C19orf44: variants seen among roughly 807,000 people sequenced by gnomAD.
C19orf44 encodes the protein uncharacterized protein C19orf44.
Under a neutral mutation model 50.7 loss-of-function variants are expected in C19orf44, and 43 were observed. The observed-to-expected ratio is 0.85, with a 90% CI of 0.66 to 1.09. C19orf44 has a LOEUF of 1.09. Ranked by LOEUF, C19orf44 falls within the 50% of genes least tolerant of loss-of-function variation. The pLI, the probability that C19orf44 is intolerant of heterozygous loss-of-function variation, is 0.00. For synonymous variants in C19orf44, 298 were observed against 334.7 expected, an observed-to-expected ratio of 0.89 and a Z score of 1.20; for missense variants, 722 against 836.2, an observed-to-expected ratio of 0.86 and a Z score of 1.68.
Position 16,519,144 on chromosome 19 carries a change from T to A in C19orf44, c.*41-950T>A. 1 of 1,608,218 alleles carries A rather than the reference T, an allele frequency of 6.2e-7. No homozygotes were observed. The highest frequency in any genetic ancestry group is 8.5e-7 in the Non-Finnish European group (1 of 1,177,962). ...CGGCACCGCTGGCCACCGGCGCGGCTCCCGGCATGGGCGCCTACTTACACT... is the reference window on the plus strand; with the variant it reads ...CGGCACCGCTGGCCACCGGCGCGGCACCCGGCATGGGCGCCTACTTACACT... On this transcript the variant is annotated intron_variant, in intron 8 of 8. Transcript: ENST00000221671. The surrounding 1 kb of genome is among the most constrained non-coding windows in gnomAD (Gnocchi z 6.0).
At chr19:16,512,499 T>C (rs1348144817) in intron 5 of C19orf44, among the ~76,000 whole-genome samples, 2 of 151,950 alleles carry the variant, frequency 1.3e-5, no homozygotes, top group Non-Finnish European at 2.9e-5. Context: ...CCAGCTAGGA[T>C]ACCCGTGCCT....
chr19:16,512,906 A>T, intron 5 of C19orf44, 108 bp from the exon 6 acceptor site: 1 of 881,068 alleles, frequency 1.1e-6, no homozygotes. Context: ...CACCTTCAGA[A>T]AGAGGGAAGA....
intron 3 of C19orf44, among the ~76,000 whole-genome samples, chr19:16,506,372 T>G (rs1315276527): frequency 1.3e-5 from 2 of 152,054 alleles, no homozygotes; most frequent in Non-Finnish European, 2.9e-5. Context: ...GGCAGGTGAA[T>G]CACTTGAGGC....
At position 16,510,236 on chromosome 19, in the gene C19orf44, A is replaced by G. The variant is rs1010144083; in HGVS notation, c.1639+248A>G. ...AGTCTGGCCAACACAGGGAACCCTC[A>G]TCTCTACTAAAAATACAAAAATTAG... On this transcript the variant is annotated intron_variant, in intron 5 of 8. Transcript: ENST00000221671. 8.5e-6 allele frequency: 4 copies of G among 473,320 alleles called. No individual in the cohort carries two copies. In the Admixed American group the frequency reaches 1.0e-4, roughly 12 times the overall value. 29.3% of individuals were successfully genotyped at this position (473,320 alleles called of 1,614,324 possible).
chr19:16,506,769 C>T lies in C19orf44; in HGVS notation c.1144C>T (p.Gln382Ter). Residue 382 changes from glutamine to a stop codon, truncating the protein, a stop_gained, in exon 4 of 9, where the codon CAG (glutamine) becomes TAG (stop). Coordinates refer to ENST00000221671, the MANE Select transcript of C19orf44 (RefSeq NM_032207.4). LOFTEE classifies it high-confidence loss of function. ...TGTCAGTGAGAACTCCGATTTGGAA[C>T]AGGAAGTAAGTACAACAAAGTCATT... ...PAVSENSDLE[Q>*]EEESAQRQKT... The T allele has an allele frequency of 1.9e-6, 3 of 1,599,734 alleles. No homozygotes were observed. The highest frequency in any genetic ancestry group is 1.7e-6 in the Non-Finnish European group (2 of 1,171,904).
intron 1 of C19orf44, among the ~76,000 whole-genome samples, chr19:16,500,479 C>G (rs2093421927): frequency 6.6e-6 from 1 of 151,302 alleles, no homozygotes; most frequent in Admixed American, 6.6e-5. Flanking sequence ...ATCACTTGAG[C>G]CTGAGAGGTT....
chr19:16,501,369 G>T lies in C19orf44; in HGVS notation c.577G>T (p.Glu193Ter). ...NISPEAPAGKERTLQTPKQKE... is the reference protein window; with the variant it reads ...NISPEAPAGK ...ATCCCCTGAAGCACCTGCTGGGAAA[G>T]AGAGGACTTTGCAAACCCCCAAACA... The change falls in exon 2 of 9, where the codon GAG becomes TAG. Residue 193 changes from glutamate (E) to a stop codon, truncating the protein, a stop_gained. Coordinates refer to ENST00000221671, the MANE Select transcript of C19orf44 (RefSeq NM_032207.4). LOFTEE classifies it high-confidence loss of function. The T allele has an allele frequency of 6.2e-7, 1 of 1,614,062 alleles. No individual in the cohort carries two copies. The highest frequency in any genetic ancestry group is 8.5e-7 in the Non-Finnish European group (1 of 1,180,018).
chr19:16,510,049 C>T (rs763818017), intron 5 of C19orf44, 61 bp downstream of exon 5: 1 of 1,611,522 alleles, frequency 6.2e-7, no homozygotes, highest in Non-Finnish European at 8.5e-7. Context: ...GTGTGGTTTA[C>T]AGCATCCTGG....
rs749092939 is a variant in C19orf44 at position 16,520,923 on chromosome 19, C to T, written c.*870C>T. On this transcript the variant is annotated 3_prime_UTR_variant, in exon 9 of 9. Transcript: ENST00000221671. The surrounding 1 kb of genome is among the most constrained non-coding windows in gnomAD (Gnocchi z 4.0). ...TGCTCCCAGCCTTCACTGTAAGACA[C>T]GGCATTCCGTGTGTGACCACGTGAC... is the stretch of plus-strand genomic sequence containing the variant. 9.3e-6 allele frequency: 15 copies of T among 1,612,612 alleles called. No individual in the cohort carries two copies. Among genetic ancestry groups the T allele is most frequent in the African/African-American group, 4.0e-5 (3 of 74,918 alleles).
In C19orf44 at chr19:16,520,220, C is replaced by T; in HGVS notation, c.*167C>T. 1.2e-6 allele frequency: 2 copies of T among 1,613,452 alleles called. No individual in the cohort carries two copies. On this transcript the variant is annotated 3_prime_UTR_variant, in exon 9 of 9. Transcript: ENST00000221671. This position sits in a 1 kb window ranked among gnomAD's most constrained non-coding sequence, Gnocchi z 4.0. Reference sequence around the variant, plus strand: ...AGTACGACTTGGACCGGGACCGCGACTGGGACCGGGAGCGGCTTCTGGAGG... The same window carrying T: ...AGTACGACTTGGACCGGGACCGCGATTGGGACCGGGAGCGGCTTCTGGAGG...
At chr19:16,518,016 G>C (rs184399571) in intron 8 of C19orf44, 1 of 152,334 alleles carries the variant, frequency 6.6e-6, no homozygotes. Context: ...AGGAAATCTA[G>C]AACAAAATCA....
Position 16,503,129 on chromosome 19 carries a change from A to C in C19orf44, c.824A>C (p.Gln275Pro). The change falls in exon 3 of 9, where the codon CAG (glutamine) becomes CCG (proline). Residue 275 changes from glutamine (Q) to proline (P), a missense_variant. Physicochemically the swap from Gln to Pro is moderately conservative, Grantham distance 76 (BLOSUM62 -1). Transcript: ENST00000221671. ...SVELSSAKPS[Q>P]TSHLPTSLAA... ...GAACTCTCCAGCGCAAAGCCTTCTC[A>C]GACATCACACCTGCCAACCTCCCTG... The C allele has an allele frequency of 6.2e-7, 1 of 1,614,184 alleles. No homozygotes were observed. The highest frequency in any genetic ancestry group is 8.5e-7 in the Non-Finnish European group (1 of 1,180,034).
At position 16,519,223 on chromosome 19, in the gene C19orf44, T is replaced by G. The variant is rs1412548213; in HGVS notation, c.*41-871T>G. 3 of 1,613,900 alleles carry G rather than the reference T, an allele frequency of 1.9e-6. No individual in the cohort carries two copies. Among genetic ancestry groups the G allele is most frequent in the Non-Finnish European group, 1.7e-6 (2 of 1,180,030 alleles). On this transcript the variant is annotated intron_variant, in intron 8 of 8. Transcript: ENST00000221671. This position sits in a 1 kb window ranked among gnomAD's most constrained non-coding sequence, Gnocchi z 6.0. ...GGAGTAGCTCTTGTTCCTGCGGTAG[T>G]TCTCATAGGGGTCATCCAGAGCCAC...
intron 5 of C19orf44, among the ~76,000 whole-genome samples, chr19:16,512,382 A>T (rs957415906): frequency 2.6e-5 from 4 of 152,134 alleles, no homozygotes; most frequent in African/African-American, 9.7e-5. Flanking sequence ...AGCCCAGAGA[A>T]CACGCAACAT....
At chr19:16,517,512 T>A (rs556485450) in intron 8 of C19orf44, among the ~76,000 whole-genome samples, 171 bp downstream of exon 8, 1 of 152,210 alleles carries the variant, frequency 6.6e-6, no homozygotes, top group African/African-American at 2.4e-5. Flanking sequence ...GGTGCTGCGG[T>A]GAGGGCCCCA....
rs772162433 is a variant in C19orf44, at chr19:16,509,755, C to A, written c.1406C>A (p.Ser469Ter). 1 of 1,614,258 alleles carries A rather than the reference C, an allele frequency of 6.2e-7. No homozygotes were observed. Among genetic ancestry groups the A allele is most frequent in the South Asian group, 1.1e-5 (1 of 91,088 alleles). ...GTGAACACAGTCAGCTCAGCTTATT[C>A]GGAGGATTTTGAAAACTCTCCAAGT... ...PMVNTVSSAY[S>*]EDFENSPSLT... The change falls in exon 5 of 9, where the codon TCG becomes TAG. Residue 469 changes from serine (S) to a stop codon, truncating the protein, a stop_gained. Coordinates refer to ENST00000221671, the MANE Select transcript of C19orf44 (RefSeq NM_032207.4). LOFTEE classifies it high-confidence loss of function.
intron 7 of C19orf44, among the ~76,000 whole-genome samples, chr19:16,515,687 G>A (rs2093469531): frequency 6.6e-6 from 1 of 151,988 alleles, no homozygotes; most frequent in Non-Finnish European, 1.5e-5. Flanking sequence ...CTGCCACCAT[G>A]CCCAGCTAAT....
At chr19:16,517,447 G>T (rs2085551495) in intron 8 of C19orf44, 106 bp downstream of exon 8, 4 of 743,138 alleles carry the variant, frequency 5.4e-6, no homozygotes, top group Non-Finnish European at 6.8e-6. Flanking sequence ...CTGGGGTGAT[G>T]GACACACACA....
chr19:16,512,938 C>G (rs746640374), intron 5 of C19orf44, 76 bp from the exon 6 acceptor site: 58 of 1,197,432 alleles, frequency 4.8e-5, no homozygotes, highest in Non-Finnish European at 7.0e-5. Flanking sequence ...TAGTTTATTC[C>G]AGGGTCGTAT....
Sources: gnomAD v4.1 joint callset for allele counts (sites outside exome capture counted in the v4.1 genomes callset) on GRCh38, gnomAD v4.1.1 for gene constraint, Gnocchi (gnomAD v3.1) non-coding constraint, MANE v1.5 for transcripts, NCBI Gene and HGNC (gene_info 2026-07-23, HGNC 2026-07-21) for gene names.